SLC67A1: variants seen among roughly 807,000 people sequenced by gnomAD.
The protein encoded by SLC67A1 is solute carrier family 67 member A1.
At chr11:2,907,271 C>T in the SLC67A1 span, among the ~76,000 whole-genome samples, 1 of 152,104 alleles carries the variant, frequency 6.6e-6, no homozygotes, top group Non-Finnish European at 1.5e-5. This position sits in a 1 kb window ranked among gnomAD's most constrained non-coding sequence, Gnocchi z 6.7. Flanking sequence ...TATCCAAAAC[C>T]CTGGGGGCTT....
At chr11:2,922,229 C>G in the SLC67A1 span, 1 of 1,594,370 alleles carries the variant, frequency 6.3e-7, no homozygotes, top group Middle Eastern at 1.7e-4. Context: ...TTTGGGCCCA[C>G]TCACCTGACC....
At chr11:2,910,388 A>C in the SLC67A1 span, among the ~76,000 whole-genome samples, 1 of 152,212 alleles carries the variant, frequency 6.6e-6, no homozygotes, top group Non-Finnish European at 1.5e-5. Context: ...GCAAAAAGTC[A>C]CAAAGTAGAA....
chr11:2,904,942 G>A, the SLC67A1 span, among the ~76,000 whole-genome samples: 4 of 152,220 alleles, frequency 2.6e-5, no homozygotes, highest in African/African-American at 9.6e-5. Flanking sequence ...GAGGAGGTGA[G>A]AGGTGGCTGG....
chr11:2,902,825 A>C, the SLC67A1 span: 3 of 795,946 alleles, frequency 3.8e-6, no homozygotes, highest in Non-Finnish European at 4.6e-6. Flanking sequence ...AGGGGAAGGT[A>C]GACCTTCCCT....
chr11:2,910,689 G>A, the SLC67A1 span, among the ~76,000 whole-genome samples: 2 of 152,240 alleles, frequency 1.3e-5, no homozygotes, highest in East Asian at 1.9e-4. Context: ...AGAGGGGACC[G>A]TGATGAGAGA....
the SLC67A1 span, chr11:2,909,489 GT>G: frequency 7.0e-7 from 1 of 1,428,328 alleles, no homozygotes; most frequent in African/African-American, 1.5e-5. Flanking sequence ...GGGGGGCGAC[GT>G]GGGGCGTGGC....
the SLC67A1 span, chr11:2,920,049 CA>C: frequency 6.6e-6 from 1 of 152,226 alleles, no homozygotes; most frequent in African/African-American, 2.4e-5. Context: ...GATGATTTGC[CA>C]CCACCCAGGA....
the SLC67A1 span, chr11:2,922,161 C>A: frequency 6.2e-7 from 1 of 1,613,674 alleles, no homozygotes; most frequent in Non-Finnish European, 8.5e-7. Context: ...AGGTGCTGCT[C>A]CGGGCCAGCG....
At chr11:2,917,318 T>C in the SLC67A1 span, among the ~76,000 whole-genome samples, 1 of 152,184 alleles carries the variant, frequency 6.6e-6, no homozygotes, top group East Asian at 1.9e-4. Flanking sequence ...GAGCCCAGCC[T>C]GGGCCAGAGG....
the SLC67A1 span, chr11:2,925,005 C>A: frequency 6.2e-7 from 1 of 1,606,418 alleles, no homozygotes; most frequent in Non-Finnish European, 8.5e-7. The surrounding 1 kb of genome is among the most constrained non-coding windows in gnomAD (Gnocchi z 6.5). Context: ...CCATGCACCC[C>A]CCAGGGACCA....
chr11:2,901,569 C>G, the SLC67A1 span, among the ~76,000 whole-genome samples: 1 of 152,222 alleles, frequency 6.6e-6, no homozygotes, highest in African/African-American at 2.4e-5. Flanking sequence ...GGGCTTGGGC[C>G]AAGTGTGCGC....
the SLC67A1 span, among the ~76,000 whole-genome samples, chr11:2,910,614 C>G: frequency 6.6e-6 from 1 of 152,018 alleles, no homozygotes; most frequent in Non-Finnish European, 1.5e-5. Flanking sequence ...GGTGAGCTCC[C>G]CTGCAGGGAG....
chr11:2,917,027 C>T, the SLC67A1 span: 62,201 of 428,726 alleles, frequency 0.15, 4,646 homozygotes, highest in Middle Eastern at 0.23. Flanking sequence ...AGGGAAGGTG[C>T]TAGGAGGGGA....
chr11:2,904,083 C>T, the SLC67A1 span, among the ~76,000 whole-genome samples: 1 of 152,348 alleles, frequency 6.6e-6, no homozygotes, highest in East Asian at 1.9e-4. Flanking sequence ...ATTCAGTAGT[C>T]TATACCACAG....
chr11:2,916,976 A>AAGGCCCAGACAGGGAAGGCGTTAGGGG, the SLC67A1 span: 3 of 505,846 alleles, frequency 5.9e-6, no homozygotes, highest in Non-Finnish European at 1.1e-5. Context: ...GAGAGGCAGG[A>AAGGCCCAGACAGGGAAGGCGTTAGGGG]AGGCCCAGAC....
At chr11:2,924,933 G>A in the SLC67A1 span, 3 of 1,365,750 alleles carry the variant, frequency 2.2e-6, no homozygotes, top group Non-Finnish European at 3.0e-6. The surrounding 1 kb of genome is among the most constrained non-coding windows in gnomAD (Gnocchi z 8.6). Context: ...GAGATGGGAG[G>A]CCATGGCTGT....
the SLC67A1 span, among the ~76,000 whole-genome samples, chr11:2,924,815 G>A: frequency 6.6e-6 from 1 of 152,186 alleles, no homozygotes; most frequent in South Asian, 2.1e-4. The surrounding 1 kb of genome is among the most constrained non-coding windows in gnomAD (Gnocchi z 8.6). Flanking sequence ...CAGGGGGTGG[G>A]GGACTGGAGG....
the SLC67A1 span, among the ~76,000 whole-genome samples, chr11:2,904,432 G>T: frequency 6.6e-6 from 1 of 152,242 alleles, no homozygotes; most frequent in Non-Finnish European, 1.5e-5. Context: ...TAAATGGCTG[G>T]GGCCAAGCCC....
the SLC67A1 span, chr11:2,922,542 C>T: frequency 6.2e-7 from 1 of 1,612,670 alleles, no homozygotes; most frequent in Non-Finnish European, 8.5e-7. Context: ...AAGGCTGTCT[C>T]CACCTCGGAC....
Sources: allele counts gnomAD v4.1 joint callset (sites outside exome capture counted in the v4.1 genomes callset), GRCh38; gene constraint gnomAD v4.1.1; non-coding constraint Gnocchi (gnomAD v3.1); transcripts MANE v1.5; gene names NCBI Gene and HGNC (gene_info 2026-07-23, HGNC 2026-07-21).